Variants in PDE4DIP observed in about 807,000 individuals in gnomAD.
The protein encoded by PDE4DIP is myomegalin.
PDE4DIP carries 59 observed loss-of-function variants against 221.4 expected under a neutral mutation model. The ratio of observed to expected loss-of-function variants is 0.27; its 90% CI spans 0.22 to 0.33. The LOEUF is 0.33. PDE4DIP is among the 10% of genes least tolerant of loss of function. PDE4DIP has a pLI of 1.00. For synonymous variants in PDE4DIP, 404 were observed against 815.9 expected (o/e 0.50, Z 8.60); for missense variants, 1,036 against 2,154.2 (o/e 0.48, Z 10.28).
chr1:148,925,628 A>G (rs2150336474), intron 1 of PDE4DIP, among the ~76,000 whole-genome samples: 1 of 152,012 alleles, frequency 6.6e-6, no homozygotes, highest in African/African-American at 2.4e-5. Flanking sequence ...TTTCCTGGTA[A>G]GGCTGGGGTC....
In PDE4DIP at chr1:149,010,430, A is replaced by G. The variant is rs587633918; in HGVS notation, c.4928-13A>G. 6.2e-6 allele frequency: 10 copies of G among 1,613,162 alleles called. No individual in the cohort carries two copies. In the African/African-American group the frequency reaches 6.7e-5, roughly 11 times the overall value. On this transcript the variant is annotated splice_polypyrimidine_tract_variant and intron_variant, in intron 30 of 43. Coordinates refer to ENST00000369354, the Ensembl canonical transcript of PDE4DIP. ...GAACATCATACGTTTTCTTTCATTC[A>G]TGGATTTTATAGATTCCATCCATCA...
intron 4 of PDE4DIP, among the ~76,000 whole-genome samples, chr1:148,934,491 A>G (rs587604881): frequency 4.6e-5 from 7 of 152,358 alleles, no homozygotes; most frequent in African/African-American, 1.7e-4. Context: ...GTTTAAGAAA[A>G]GTAGAGATGT....
chr1:149,012,585 T>G lies in PDE4DIP; in HGVS notation c.5081-6T>G, dbSNP rs782552339. The G allele has an allele frequency of 1.3e-6, 2 of 1,582,272 alleles. No homozygotes were observed. Among genetic ancestry groups the G allele is most frequent in the African/African-American group, 2.7e-5 (2 of 72,994 alleles). ...GTCTCTTTTCTCCTTAACTTTCTTT[T>G]CCTAGGCTTTCATTTTCACTCCATA... On this transcript the variant is annotated splice_region_variant and splice_polypyrimidine_tract_variant and intron_variant, in intron 31 of 43. Transcript: ENST00000369354.
chr1:148,940,513 A>T (rs1344217364), intron 5 of PDE4DIP, among the ~76,000 whole-genome samples: 1 of 150,164 alleles, frequency 6.7e-6, no homozygotes, highest in Non-Finnish European at 1.5e-5. Flanking sequence ...ATGAGTGTAC[A>T]TCTATGGTAT....
exon 24 of PDE4DIP, chr1:149,001,920 C>T: frequency 6.2e-7 from 1 of 1,611,596 alleles, no homozygotes; most frequent in South Asian, 1.1e-5. Context: ...CTGGTTGGTT[C>T]CCCTGGGAAG....
chr1:148,980,384 T>G (rs2060884917), intron 20 of PDE4DIP, among the ~76,000 whole-genome samples: 1 of 152,034 alleles, frequency 6.6e-6, no homozygotes, highest in African/African-American at 2.4e-5. Context: ...AGAGCGAGAC[T>G]CCGTCTCAAA....
chr1:148,987,867 G>A (rs1299585196), intron 21 of PDE4DIP, among the ~76,000 whole-genome samples: 2 of 152,078 alleles, frequency 1.3e-5, no homozygotes, highest in African/African-American at 4.8e-5. Flanking sequence ...AGCAGTTCAA[G>A]ACCAACCTGG....
intron 1 of PDE4DIP, among the ~76,000 whole-genome samples, chr1:148,920,175 C>T (rs1314520569): frequency 1.4e-5 from 2 of 146,760 alleles, no homozygotes; most frequent in Admixed American, 6.7e-5. Flanking sequence ...CACTCTTGCC[C>T]AGGCTGGAGT....
intron 43 of PDE4DIP, 70 bp downstream of exon 46, chr1:149,030,348 C>A (rs4997149): frequency 9.6e-5 from 148 of 1,544,900 alleles, no homozygotes; most frequent in East Asian, 3.6e-4. Context: ...GTTAGCAGAT[C>A]TTGTAGGTGA....
chr1:149,022,929 A>C (rs1381305103), intron 37 of PDE4DIP, among the ~76,000 whole-genome samples: 1 of 152,180 alleles, frequency 6.6e-6, no homozygotes, highest in Non-Finnish European at 1.5e-5. Context: ...TGGGAAGATG[A>C]AAGGGTATAG....
intron 2 of PDE4DIP, among the ~76,000 whole-genome samples, chr1:148,865,486 AT>A (rs1187109979): frequency 4.2e-5 from 5 of 120,136 alleles, no homozygotes; most frequent in Admixed American, 1.7e-4. Context: ...TATTATTATT[AT>A]TTGCTATCAC....
At chr1:148,956,015 A>C (rs587762898) in intron 5 of PDE4DIP, among the ~76,000 whole-genome samples, 1 of 152,152 alleles carries the variant, frequency 6.6e-6, no homozygotes, top group African/African-American at 2.4e-5. Flanking sequence ...CGGTGTATCT[A>C]TTGTTTAAAT....
intron 13 of PDE4DIP, 117 bp from the exon 17 acceptor site, chr1:148,968,719 T>C: frequency 4.7e-6 from 3 of 643,480 alleles, no homozygotes; most frequent in Non-Finnish European, 8.0e-6. Context: ...TAAAACATGA[T>C]ACTTATTCTC....
chr1:149,013,859 C>T (rs1376248473), intron 32 of PDE4DIP, among the ~76,000 whole-genome samples: 1 of 145,310 alleles, frequency 6.9e-6, no homozygotes, highest in Non-Finnish European at 1.5e-5. Context: ...ACGATCTCGG[C>T]TCACTGCAGT....
chr1:148,960,174 T>C (rs1168891573), intron 5 of PDE4DIP, among the ~76,000 whole-genome samples: 4 of 152,304 alleles, frequency 2.6e-5, no homozygotes, highest in African/African-American at 9.6e-5. Flanking sequence ...TTACCTAATA[T>C]ATAGTCCATA....
chr1:148,979,035 TAAAA>T (rs34462317), intron 19 of PDE4DIP, among the ~76,000 whole-genome samples: 3 of 133,108 alleles, frequency 2.3e-5, no homozygotes, highest in Admixed American at 7.6e-5. Flanking sequence ...CTCTCCCAGT[TAAAA>T]AAAAAAAAAA....
At chr1:148,938,159 G>A (rs1553476682) in intron 5 of PDE4DIP, 1 of 218,042 alleles carries the variant, frequency 4.6e-6, no homozygotes, top group Admixed American at 5.5e-5. Flanking sequence ...TCAGGCTGTT[G>A]GAAGGATTTA....
chr1:148,981,452 C>T (rs782274317), intron 21 of PDE4DIP, 55 bp downstream of exon 24: 30 of 1,609,096 alleles, frequency 1.9e-5, no homozygotes, highest in African/African-American at 4.0e-5. Context: ...TGAGCACTGG[C>T]GGGTCAGACT....
chr1:148,859,539 A>C (rs1683088858), intron 1 of PDE4DIP, among the ~76,000 whole-genome samples: 2 of 152,208 alleles, frequency 1.3e-5, no homozygotes, highest in Admixed American at 6.5e-5. Flanking sequence ...TAAGACATTG[A>C]GGAAAAATAT....
Sources: allele counts gnomAD v4.1 joint callset (sites outside exome capture counted in the v4.1 genomes callset), GRCh38; gene constraint gnomAD v4.1.1; transcripts MANE v1.5; gene names NCBI Gene and HGNC (gene_info 2026-07-23, HGNC 2026-07-21).